SLC8A3: variants seen among roughly 807,000 people sequenced by gnomAD.
SLC8A3 encodes solute carrier family 8 member A3.
SLC8A3 carries 37 observed loss-of-function variants against 65.4 expected under a neutral mutation model. That is an observed-to-expected ratio of 0.57 (90% CI 0.44 to 0.74). The LOEUF (loss-of-function observed/expected upper bound fraction) is 0.74. SLC8A3 is among the 30% of genes least tolerant of loss of function. The pLI, the probability that SLC8A3 is intolerant of heterozygous loss-of-function variation, is 0.00. For missense variants in SLC8A3, 1,112 were observed against 1,172.1 expected (o/e 0.95, Z 0.75); for synonymous variants, 461 against 444.5 (o/e 1.04, Z -0.47).
chr14:70,137,751 C>T (rs1039299852), intron 2 of SLC8A3, among the ~76,000 whole-genome samples: 7 of 149,946 alleles, frequency 4.7e-5, no homozygotes, highest in East Asian at 2.0e-4. Context: ...CAAAAAACAA[C>T]TCAACAGCCT....
At chr14:70,147,540 T>C (rs1352182085) in intron 2 of SLC8A3, among the ~76,000 whole-genome samples, 1 of 152,228 alleles carries the variant, frequency 6.6e-6, no homozygotes, top group Non-Finnish European at 1.5e-5. Context: ...TTTGCAGATA[T>C]AATTAGGGTC....
intron 1 of SLC8A3, among the ~76,000 whole-genome samples, chr14:70,185,767 C>T (rs1035562778): frequency 6.6e-6 from 1 of 152,128 alleles, no homozygotes; most frequent in African/African-American, 2.4e-5. Flanking sequence ...TAGAGGTGTG[C>T]CTGGCATTAC....
chr14:70,178,905 C>A (rs1882475199), intron 1 of SLC8A3, among the ~76,000 whole-genome samples: 1 of 152,182 alleles, frequency 6.6e-6, no homozygotes, highest in Non-Finnish European at 1.5e-5. Flanking sequence ...AAATGTAAAT[C>A]AGATAGATCA....
chr14:70,072,185 C>A (rs917403123), intron 2 of SLC8A3, among the ~76,000 whole-genome samples: 14 of 152,200 alleles, frequency 9.2e-5, no homozygotes, highest in African/African-American at 3.4e-4. Flanking sequence ...CTGGGCATCA[C>A]AGCCCATGGG....
At chr14:70,065,524 T>A (rs1372410559) in intron 2 of SLC8A3, among the ~76,000 whole-genome samples, 1 of 152,130 alleles carries the variant, frequency 6.6e-6, no homozygotes, top group African/African-American at 2.4e-5. Flanking sequence ...TGGATTCAAA[T>A]CCCGCCTCCA....
intron 2 of SLC8A3, among the ~76,000 whole-genome samples, chr14:70,087,800 G>A (rs1891537825): frequency 6.6e-6 from 1 of 152,144 alleles, no homozygotes; most frequent in African/African-American, 2.4e-5. Context: ...AGACGTGCAT[G>A]GACCAGAACT....
Position 70,060,909 on chromosome 14 carries a change from C to T in SLC8A3, c.1815G>A (p.Glu605=). The T allele has an allele frequency of 2.0e-6, 3 of 1,518,506 alleles. No homozygotes were observed. The highest frequency in any genetic ancestry group is 2.6e-6 in the Non-Finnish European group (3 of 1,134,254). 94.1% of individuals were successfully genotyped at this position (1,518,506 alleles called of 1,614,324 possible). Residue 605 remains glutamate, a synonymous_variant, in exon 3 of 7, where the codon GAG becomes GAA. Transcript: ENST00000356921. ...AATTCTCTTGCCTTTCGTATTCCTC[C>T]TCATCTACTATTTTAACCCTTATGG... ...VKTIRVKIVD[E]EEYERQENFF... is the part of the protein sequence containing the mutation.
chr14:70,122,566 C>T (rs1223640564), intron 2 of SLC8A3, among the ~76,000 whole-genome samples: 1 of 152,096 alleles, frequency 6.6e-6, no homozygotes, highest in Non-Finnish European at 1.5e-5. Context: ...AACCCTACCT[C>T]CTAGGATTGC....
intron 1 of SLC8A3, among the ~76,000 whole-genome samples, chr14:70,180,207 A>G (rs1041135526): frequency 6.6e-6 from 1 of 152,216 alleles, no homozygotes; most frequent in African/African-American, 2.4e-5. Flanking sequence ...TCCTTTATGT[A>G]CATATTTCTC....
At chr14:70,132,881 GT>G (rs1168923590) in intron 2 of SLC8A3, among the ~76,000 whole-genome samples, 1 of 152,070 alleles carries the variant, frequency 6.6e-6, no homozygotes, top group Non-Finnish European at 1.5e-5. Flanking sequence ...CTTCAAATCT[GT>G]TTTTGGGGGG....
Position 70,060,756 on chromosome 14 carries a change from T to A in SLC8A3, c.1888+80A>T, listed in dbSNP as rs371931654. ...GGGAGACAAAAATATAGCTGCTTTT[T>A]CTTTTTTGTTGTTGTTTTTCAGTTT... is the stretch of plus-strand genomic sequence containing the variant. On this transcript the variant is annotated intron_variant, in intron 3 of 6. Coordinates refer to ENST00000356921, the MANE Select transcript of SLC8A3 (RefSeq NM_182932.3). The A allele has an allele frequency of 3.5e-6, 3 of 854,756 alleles. No homozygotes were observed. The Admixed American group carries it at 5.2e-5, about 15-fold the overall frequency. The allele number at this position is 854,756 out of a possible 1,614,324, so 52.9% of individuals were successfully genotyped here.
chr14:70,129,655 C>G (rs566160776), intron 2 of SLC8A3, among the ~76,000 whole-genome samples: 2 of 152,168 alleles, frequency 1.3e-5, no homozygotes, highest in African/African-American at 4.8e-5. Context: ...ATTCACAGGC[C>G]AAGAGGGAGA....
At chr14:70,163,423 G>C (rs552586423) in intron 2 of SLC8A3, among the ~76,000 whole-genome samples, 13 of 152,178 alleles carry the variant, frequency 8.5e-5, no homozygotes, top group Non-Finnish European at 1.5e-4. Context: ...ATTATTGATA[G>C]AGCACAGGCC....
chr14:70,134,372 A>G (rs907128255), intron 2 of SLC8A3, among the ~76,000 whole-genome samples: 16 of 152,168 alleles, frequency 1.1e-4, no homozygotes, highest in African/African-American at 3.6e-4. Flanking sequence ...GGGATTTCCA[A>G]TTTTTAATCC....
At chr14:70,180,935 A>C (rs1302979928) in intron 1 of SLC8A3, among the ~76,000 whole-genome samples, 2 of 152,216 alleles carry the variant, frequency 1.3e-5, no homozygotes, top group Admixed American at 6.5e-5. Context: ...CTAGAGACTC[A>C]ATGTGATAAC....
chr14:70,162,875 G>C (rs1402409311), intron 2 of SLC8A3, among the ~76,000 whole-genome samples: 2 of 152,162 alleles, frequency 1.3e-5, no homozygotes, highest in Non-Finnish European at 2.9e-5. Context: ...CTTCACCTCT[G>C]TCACTACTAA....
intron 1 of SLC8A3, among the ~76,000 whole-genome samples, chr14:70,187,971 C>T (rs964532816): frequency 6.6e-6 from 1 of 152,162 alleles, no homozygotes; most frequent in East Asian, 1.9e-4. Context: ...GCCCAGGTGG[C>T]ACACATATGC....
At chr14:70,163,608 A>G (rs1367009451) in intron 2 of SLC8A3, among the ~76,000 whole-genome samples, 1 of 152,226 alleles carries the variant, frequency 6.6e-6, no homozygotes. Context: ...TGTGGCAATT[A>G]GCACAGCCTC....
chr14:70,174,911 C>T (rs1192684799), intron 1 of SLC8A3, among the ~76,000 whole-genome samples: 3 of 152,180 alleles, frequency 2.0e-5, no homozygotes, highest in Non-Finnish European at 4.4e-5. Flanking sequence ...TGGGCAGTGG[C>T]TGCACTGCAG....
Sources: allele counts gnomAD v4.1 joint callset (sites outside exome capture counted in the v4.1 genomes callset), GRCh38; gene constraint gnomAD v4.1.1; transcripts MANE v1.5; gene names NCBI Gene and HGNC (gene_info 2026-07-23, HGNC 2026-07-21).